Variants in TENT4B observed in about 807,000 individuals in gnomAD.
TENT4B encodes the protein terminal nucleotidyltransferase 4B, also known as PAP associated domain containing 5.
TENT4B carries 10 observed loss-of-function variants against 75.0 expected under a neutral mutation model. That is an observed-to-expected ratio of 0.13 (90% confidence interval 0.08 to 0.23). The LOEUF is 0.23. TENT4B is among the 10% of genes least tolerant of loss of function. The probability of loss-of-function intolerance (pLI) is 1.00; values close to 1 mark genes in which losing one functional copy is unlikely to be tolerated. For missense variants in TENT4B, 579 were observed against 893.8 expected, an observed-to-expected ratio of 0.65 and a Z score of 4.49; for synonymous variants, 350 against 357.7, an observed-to-expected ratio of 0.98 and a Z score of 0.24.
chr16:50,205,374 TTATAA>T (rs1295301786), intron 1 of TENT4B, among the ~76,000 whole-genome samples: 2 of 152,002 alleles, frequency 1.3e-5, no homozygotes, highest in Admixed American at 6.6e-5. Flanking sequence ...TTAAAAAAAA[TTATAA>T]TAGTACAGAA....
In TENT4B at chr16:50,153,533, C is replaced by T. The variant is rs2037819085; in HGVS notation, c.-89C>T. 1.0e-6 allele frequency: 1 copy of T among 979,124 alleles called. No homozygotes were observed. Among genetic ancestry groups the T allele is most frequent in the South Asian group, 4.7e-5 (1 of 21,236 alleles). The allele number at this position is 979,124 out of a possible 1,614,324, so 60.7% of individuals were successfully genotyped here. ...GCGGCAGCAGCGGCAGCAGCAGCAG[C>T]AGCCGAGGCCGGGCGTGCGCCTGAG... On this transcript the variant is annotated 5_prime_UTR_variant, in exon 1 of 12. Coordinates refer to ENST00000561678, the MANE Select transcript of TENT4B (RefSeq NM_001365324.3).
At chr16:50,160,652 C>G (rs1315174212) in intron 1 of TENT4B, among the ~76,000 whole-genome samples, 3 of 152,222 alleles carry the variant, frequency 2.0e-5, no homozygotes, top group Admixed American at 1.3e-4. Flanking sequence ...ATGGTTCTCA[C>G]TTGTTCTCAG....
chr16:50,187,354 G>A (rs1431274784), intron 1 of TENT4B, among the ~76,000 whole-genome samples: 3 of 152,200 alleles, frequency 2.0e-5, no homozygotes, highest in South Asian at 2.1e-4. Flanking sequence ...AGGCCGAGGC[G>A]GATGGATCAC....
intron 1 of TENT4B, among the ~76,000 whole-genome samples, chr16:50,208,029 A>T (rs74017331): frequency 0.012 from 1,800 of 152,324 alleles, 32 homozygotes; most frequent in African/African-American, 0.041. Context: ...TTTCACACGT[A>T]GCTAGTTACA....
rs535140752 is a variant in TENT4B at position 50,189,238 on chromosome 16, GT to G, written c.639-22077del. ...TGTCAAGTTGGCTTTTACCACATTA[GT>G]TTTTTTTAATGTGGTTTATATGACC... On this transcript the variant is annotated intron_variant, in intron 1 of 11. Transcript: ENST00000561678. Among the ~76,000 whole-genome samples the G allele has an allele frequency of 2.1e-3, 325 of 151,932 alleles. 2 individuals carry two copies. Among genetic ancestry groups the G allele is most frequent in the Non-Finnish European group, 2.9e-3 (200 of 67,916 alleles).
chr16:50,166,609 CTTTAT>C (rs943039084), intron 1 of TENT4B, among the ~76,000 whole-genome samples: 4 of 151,608 alleles, frequency 2.6e-5, no homozygotes, highest in African/African-American at 9.7e-5. Flanking sequence ...TATAGGAGTT[CTTTAT>C]TTTATTTTAC....
At chr16:50,210,851 C>G (rs2031241547) in intron 1 of TENT4B, among the ~76,000 whole-genome samples, 1 of 152,222 alleles carries the variant, frequency 6.6e-6, no homozygotes, top group Non-Finnish European at 1.5e-5. Flanking sequence ...GCCAGCCATT[C>G]TTTTCAAGAC....
rs2037814313 is a variant in TENT4B, at chr16:50,153,488, GAGCAGCAGCAGCAGCAGCAGCGGCAGC to G, written c.-130_-104del. On this transcript the variant is annotated 5_prime_UTR_variant, in exon 1 of 12. Transcript: ENST00000561678. ...GACCGCGCCGCCCGCGGCGGGCCCC[GAGCAGCAGCAGCAGCAGCAGCGGCAGC>G]AGCGGCAGCAGCAGCAGCAGCCGAG... 1 of 948,052 alleles carries G rather than the reference GAGCAGCAGCAGCAGCAGCAGCGGCAGC, an allele frequency of 1.1e-6. No individual in the cohort carries two copies. Among genetic ancestry groups the G allele is most frequent in the African/African-American group, 1.8e-5 (1 of 55,352 alleles). The allele number at this position is 948,052 out of a possible 1,614,324, so 58.7% of individuals were successfully genotyped here.
At position 50,230,461 on chromosome 16, in the gene TENT4B, G is replaced by A; in HGVS notation, c.*1133G>A. 1.0e-6 allele frequency: 1 copy of A among 984,772 alleles called. No homozygotes were observed. The highest frequency in any genetic ancestry group is 1.2e-6 in the Non-Finnish European group (1 of 829,054). 61.0% of individuals were successfully genotyped at this position (984,772 alleles called of 1,614,324 possible). A position where few individuals can be genotyped will look rare whatever the true frequency, so the allele number is the denominator to read the frequency against. On this transcript the variant is annotated 3_prime_UTR_variant, in exon 12 of 12. Coordinates refer to ENST00000561678, the MANE Select transcript of TENT4B (RefSeq NM_001365324.3). ...TTAAAATTCATGCTTAACTACTGTGGGAGAATAACTGTAAACAGCTTTAAT... is the reference window on the plus strand; with the variant it reads ...TTAAAATTCATGCTTAACTACTGTGAGAGAATAACTGTAAACAGCTTTAAT...
chr16:50,177,582 T>C (rs1258769199), intron 1 of TENT4B, among the ~76,000 whole-genome samples: 1 of 152,160 alleles, frequency 6.6e-6, no homozygotes, highest in Non-Finnish European at 1.5e-5. Flanking sequence ...GATGGCCCTT[T>C]TTCATTTTTT....
rs556784586 is a variant in TENT4B, at chr16:50,222,516, G to A, written c.1167+82G>A. On this transcript the variant is annotated intron_variant, in intron 6 of 11. Coordinates refer to ENST00000561678, the MANE Select transcript of TENT4B (RefSeq NM_001365324.3). ...GCTGGGAAACATTTTGGAAAAAATCGAAATCAACCTGTAATTGCATTGCTT... is the reference window on the plus strand; with the variant it reads ...GCTGGGAAACATTTTGGAAAAAATCAAAATCAACCTGTAATTGCATTGCTT... 18 of 1,463,366 alleles carry A rather than the reference G, an allele frequency of 1.2e-5. No individual in the cohort carries two copies. In the African/African-American group the frequency reaches 1.3e-4, roughly 10 times the overall value. The allele number at this position is 1,463,366 out of a possible 1,614,324, so 90.6% of individuals were successfully genotyped here.
intron 1 of TENT4B, among the ~76,000 whole-genome samples, chr16:50,201,506 C>T (rs778112159): frequency 4.0e-5 from 6 of 149,918 alleles, no homozygotes; most frequent in Non-Finnish European, 3.0e-5. Context: ...CACTGCACTC[C>T]AACCTTGGCG....
chr16:50,219,564 T>C (rs969950462), intron 5 of TENT4B, among the ~76,000 whole-genome samples: 2 of 152,194 alleles, frequency 1.3e-5, no homozygotes, highest in Non-Finnish European at 2.9e-5. Flanking sequence ...AAAATGTTTG[T>C]AGAAAGATTC....
At chr16:50,178,033 T>G (rs12598338) in intron 1 of TENT4B, among the ~76,000 whole-genome samples, 101,316 of 151,864 alleles carry the variant, frequency 0.67, 35,700 homozygotes, top group South Asian at 0.77. Context: ...TCTGGCTATC[T>G]TTCTGCTGTT....
Position 50,170,614 on chromosome 16 carries a change from GTTCCTGGGGAAGT to G in TENT4B, c.638+16356_638+16368del, listed in dbSNP as rs546776095. Among the ~76,000 whole-genome samples the G allele has an allele frequency of 7.4e-4, 113 of 152,204 alleles. 1 individual carries two copies. The highest frequency in any genetic ancestry group is 2.6e-3 in the African/African-American group (109 of 41,542). On this transcript the variant is annotated intron_variant, in intron 1 of 11. Transcript: ENST00000561678. Reference sequence around the variant, plus strand: ...ACAGCTACCTTAGGAGTTTGCAGTTGTTCCTGGGGAAGTCAGTAGACAAAGCTATCTCTCAGGC... The same window carrying G: ...ACAGCTACCTTAGGAGTTTGCAGTTGCAGTAGACAAAGCTATCTCTCAGGC...
chr16:50,212,666 T>A (rs1242653128), intron 2 of TENT4B, among the ~76,000 whole-genome samples: 1 of 152,114 alleles, frequency 6.6e-6, no homozygotes, highest in Non-Finnish European at 1.5e-5. Context: ...TACATCGCAT[T>A]CTTTCTCCTA....
At chr16:50,163,657 C>A (rs995341961) in intron 1 of TENT4B, among the ~76,000 whole-genome samples, 1 of 151,096 alleles carries the variant, frequency 6.6e-6, no homozygotes, top group African/African-American at 2.4e-5. Context: ...CCTCGGCCTC[C>A]CAAAGTACTG....
In TENT4B at chr16:50,227,930, A is replaced by G; in HGVS notation, c.1892A>G (p.Glu631Gly). ...GTAGGGTCGCAAGATGTATCCTTGG[A>G]GTCCTCTCAGGCAGTTGGGAAAATG... ...NRVGSQDVSL[E>G]SSQAVGKMQS... Residue 631 changes from glutamate (E) to glycine (G), a missense_variant, in exon 11 of 12, where the codon GAG (glutamate) becomes GGG (glycine). By Grantham distance (98) the Glu-to-Gly change is moderately conservative. Coordinates refer to ENST00000561678, the MANE Select transcript of TENT4B (RefSeq NM_001365324.3). The G allele has an allele frequency of 6.2e-7, 1 of 1,614,016 alleles. No individual in the cohort carries two copies. The highest frequency in any genetic ancestry group is 8.5e-7 in the Non-Finnish European group (1 of 1,179,896).
chr16:50,224,635 G>T, intron 7 of TENT4B, 22 bp from the exon 8 acceptor site: 2 of 1,613,502 alleles, frequency 1.2e-6, no homozygotes, highest in East Asian at 2.2e-5. Context: ...GGCTTACTAT[G>T]TTACGTATAT....
Sources: gnomAD v4.1 joint callset for allele counts (sites outside exome capture counted in the v4.1 genomes callset) on GRCh38, gnomAD v4.1.1 for gene constraint, MANE v1.5 for transcripts, NCBI Gene and HGNC (gene_info 2026-07-23, HGNC 2026-07-21) for gene names.